Variants in SNTG1 observed in about 807,000 individuals in gnomAD.
SNTG1 encodes the protein gamma-1-syntrophin.
A neutral mutation model predicts 74.7 loss-of-function variants in SNTG1; 39 were observed. The ratio of observed to expected loss-of-function variants is 0.52; its 90% CI spans 0.40 to 0.68. The LOEUF (loss-of-function observed/expected upper bound fraction) is 0.68. SNTG1 is among the 30% of genes least tolerant of loss of function. SNTG1 has a pLI of 0.00. For missense variants in SNTG1, 685 were observed against 609.5 expected (o/e 1.12, Z -1.30); for synonymous variants, 254 against 217.1 (o/e 1.17, Z -1.49).
intron 2 of SNTG1, among the ~76,000 whole-genome samples, chr8:50,366,945 T>C (rs1291148570): frequency 1.3e-5 from 2 of 148,640 alleles, no homozygotes; most frequent in South Asian, 2.1e-4. Context: ...TATAATATAG[T>C]ATACTATAAG....
chr8:50,420,789 G>A (rs1353320136), intron 4 of SNTG1, among the ~76,000 whole-genome samples: 2 of 138,648 alleles, frequency 1.4e-5, no homozygotes, highest in African/African-American at 4.9e-5. Context: ...CACTTTGGGA[G>A]GCTGAGGCGG....
chr8:50,013,494 GAT>G (rs1382397979), intron 1 of SNTG1, among the ~76,000 whole-genome samples: 5 of 151,124 alleles, frequency 3.3e-5, no homozygotes, highest in Non-Finnish European at 7.4e-5. Context: ...TAGATAGATA[GAT>G]AGATAGATAG....
intron 13 of SNTG1, among the ~76,000 whole-genome samples, chr8:50,655,443 T>A (rs1008484804): frequency 6.6e-6 from 1 of 152,192 alleles, no homozygotes. Flanking sequence ...CTCTATGTAA[T>A]GCATATGTTA....
chr8:50,150,219 C>A (rs2082018627), intron 1 of SNTG1, among the ~76,000 whole-genome samples: 1 of 152,092 alleles, frequency 6.6e-6, no homozygotes, highest in Non-Finnish European at 1.5e-5. Flanking sequence ...TATAAGAATG[C>A]TTGTTATTTT....
At chr8:50,300,749 T>C (rs970396227) in intron 2 of SNTG1, among the ~76,000 whole-genome samples, 7 of 152,158 alleles carry the variant, frequency 4.6e-5, no homozygotes, top group African/African-American at 1.7e-4. Flanking sequence ...TTAGCATTGG[T>C]TGTAAAGCAG....
chr8:49,989,744 G>A (rs1813505467), intron 1 of SNTG1, among the ~76,000 whole-genome samples: 1 of 151,832 alleles, frequency 6.6e-6, no homozygotes, highest in Admixed American at 6.6e-5. Context: ...AAAGGAATAT[G>A]CATCATGAAC....
intron 2 of SNTG1, among the ~76,000 whole-genome samples, chr8:50,217,570 G>T (rs1037050432): frequency 2.2e-4 from 34 of 151,984 alleles, no homozygotes; most frequent in Non-Finnish European, 4.6e-4. Context: ...GTGCACACAA[G>T]GCCAAATCTA....
chr8:50,521,945 A>T (rs1189290234), intron 9 of SNTG1, among the ~76,000 whole-genome samples: 1 of 151,994 alleles, frequency 6.6e-6, no homozygotes, highest in Non-Finnish European at 1.5e-5. Flanking sequence ...GTTGGCATCA[A>T]CTTCTTCCAA....
intron 1 of SNTG1, among the ~76,000 whole-genome samples, chr8:50,090,657 G>A (rs892690663): frequency 1.3e-5 from 2 of 152,056 alleles, no homozygotes; most frequent in African/African-American, 4.8e-5. Context: ...CCTTCTCTCA[G>A]ATTATACTGA....
chr8:50,548,277 A>C (rs901356894), intron 11 of SNTG1, among the ~76,000 whole-genome samples: 1 of 152,168 alleles, frequency 6.6e-6, no homozygotes, highest in Non-Finnish European at 1.5e-5. Flanking sequence ...GTGTGGATGA[A>C]CAGGAAGCTC....
chr8:50,273,371 C>T (rs1037555853), intron 2 of SNTG1, among the ~76,000 whole-genome samples: 7 of 152,166 alleles, frequency 4.6e-5, no homozygotes, highest in African/African-American at 1.7e-4. Flanking sequence ...CTTCATTTGA[C>T]ACATTGATGT....
chr8:50,105,561 T>C (rs751076786), intron 1 of SNTG1, among the ~76,000 whole-genome samples: 1 of 152,074 alleles, frequency 6.6e-6, no homozygotes, highest in South Asian at 2.1e-4. Flanking sequence ...TTTTTTCTAA[T>C]TCTGTGAAGA....
At chr8:50,687,952 C>G (rs2095359998) in intron 15 of SNTG1, among the ~76,000 whole-genome samples, 1 of 152,192 alleles carries the variant, frequency 6.6e-6, no homozygotes, top group Admixed American at 6.5e-5. Context: ...GCCATTCTCA[C>G]TGGTGTTAGA....
rs547473405 is a variant in SNTG1, at chr8:50,279,162, T to A, written c.-28+106527T>A. ...TGGTCGACACCTAAATAATTTACAA[T>A]CTAATTGAGAAAAATAAGTTGATTT... On this transcript the variant is annotated intron_variant, in intron 2 of 18. Coordinates refer to ENST00000642720, the MANE Select transcript of SNTG1 (RefSeq NM_018967.5). Among the ~76,000 whole-genome samples the A allele has an allele frequency of 1.9e-4, 29 of 152,232 alleles. 1 individual carries two copies. The East Asian group carries it at 1.9e-3, about 10-fold the overall frequency.
chr8:50,687,338 A>T (rs1403972979), intron 15 of SNTG1, among the ~76,000 whole-genome samples: 6 of 152,192 alleles, frequency 3.9e-5, no homozygotes, highest in African/African-American at 1.4e-4. Context: ...AAATGAATTA[A>T]ATTCTCCAAT....
chr8:50,157,665 G>A (rs150984263), intron 1 of SNTG1, among the ~76,000 whole-genome samples: 2 of 152,194 alleles, frequency 1.3e-5, no homozygotes, highest in African/African-American at 2.4e-5. Context: ...AATAAAATGT[G>A]ATATTTAGGA....
intron 2 of SNTG1, among the ~76,000 whole-genome samples, chr8:50,273,129 A>G (rs1335058534): frequency 1.3e-5 from 2 of 152,206 alleles, no homozygotes; most frequent in Non-Finnish European, 2.9e-5. Flanking sequence ...TTGAATCAAC[A>G]TGGTAAATGG....
intron 1 of SNTG1, among the ~76,000 whole-genome samples, chr8:50,051,277 C>T (rs1184920485): frequency 6.9e-6 from 1 of 145,514 alleles, no homozygotes; most frequent in Non-Finnish European, 1.5e-5. Flanking sequence ...CACAAACAAA[C>T]AAGAAGAAAA....
Position 50,712,144 on chromosome 8 carries a change from G to A in SNTG1, c.1284+3166G>A, listed in dbSNP as rs368723513. Among the ~76,000 whole-genome samples, 4 of 152,270 alleles carry A rather than the reference G, an allele frequency of 2.6e-5. No homozygotes were observed. The South Asian group carries it at 6.2e-4, about 24-fold the overall frequency. ...CTGCTGTCTCTTGAGAGACATGGGA[G>A]GGCATACACATCAGTCTTCACAGAC... On this transcript the variant is annotated intron_variant, in intron 17 of 18. Coordinates refer to ENST00000642720, the MANE Select transcript of SNTG1 (RefSeq NM_018967.5).
Sources: allele counts gnomAD v4.1 joint callset (sites outside exome capture counted in the v4.1 genomes callset), GRCh38; gene constraint gnomAD v4.1.1; transcripts MANE v1.5; gene names NCBI Gene and HGNC (gene_info 2026-07-23, HGNC 2026-07-21).